Variants in OR9Q1 observed in about 807,000 individuals in gnomAD.
OR9Q1 encodes the protein olfactory receptor 9Q1.
For missense variants in OR9Q1, 374 were observed against 378.8 expected (o/e 0.99, Z 0.11); for synonymous variants, 153 against 148.6 (o/e 1.03, Z -0.22).
At chr11:58,175,946 C>A (rs998501022) in intron 2 of OR9Q1, among the ~76,000 whole-genome samples, 5 of 152,024 alleles carry the variant, frequency 3.3e-5, no homozygotes, top group African/African-American at 1.2e-4. Context: ...ACAAACTTGC[C>A]AATTTCTCCT....
intron 1 of OR9Q1, among the ~76,000 whole-genome samples, chr11:58,032,560 C>A (rs555914937): frequency 3.7e-4 from 56 of 152,206 alleles, no homozygotes; most frequent in African/African-American, 1.3e-3. Flanking sequence ...AACTGGCTAG[C>A]CATATGCAGA....
intron 2 of OR9Q1, among the ~76,000 whole-genome samples, chr11:58,133,662 T>G (rs1462818811): frequency 6.6e-6 from 1 of 152,118 alleles, no homozygotes; most frequent in African/African-American, 2.4e-5. Flanking sequence ...CATGGAAAAG[T>G]GGGGAGGCTA....
At chr11:58,062,771 G>A (rs566852639) in intron 2 of OR9Q1, among the ~76,000 whole-genome samples, 1 of 152,236 alleles carries the variant, frequency 6.6e-6, no homozygotes, top group South Asian at 2.1e-4. Context: ...GACTTTTCAT[G>A]TAAACAAAAA....
At chr11:58,070,732 A>C (rs61904043) in intron 2 of OR9Q1, among the ~76,000 whole-genome samples, 26,233 of 152,138 alleles carry the variant, frequency 0.17, 2,392 homozygotes, top group Non-Finnish European at 0.21. Context: ...CAGTGTCTTC[A>C]CTATCAAGCT....
In OR9Q1 at chr11:58,031,069, C is replaced by A. The variant is rs373892437; in HGVS notation, c.-93+6965C>A. On this transcript the variant is annotated intron_variant, in intron 1 of 2. Transcript: ENST00000335397. ...TACTCTTCCTCACCATGTACCTGTT[C>A]ACCTTGGTGGAGAATTTGGCCATCA... 955 of 1,613,756 alleles carry A rather than the reference C, an allele frequency of 5.9e-4. No homozygotes were observed. The highest frequency in any genetic ancestry group is 7.9e-4 in the Non-Finnish European group (930 of 1,179,728).
At chr11:58,060,820 T>C (rs1853373939) in intron 2 of OR9Q1, among the ~76,000 whole-genome samples, 1 of 151,674 alleles carries the variant, frequency 6.6e-6, no homozygotes, top group Admixed American at 6.6e-5. Flanking sequence ...TAGAGGAGGA[T>C]AAGAACAAAA....
rs118184575 is a variant in OR9Q1 at position 58,165,112 on chromosome 11, A to G, written c.-14-14319A>G. Among the ~76,000 whole-genome samples, 389 of 152,338 alleles carry G rather than the reference A, an allele frequency of 2.6e-3. 2 individuals carry two copies. Among genetic ancestry groups the G allele is most frequent in the Middle Eastern group, 0.01 (3 of 294 alleles). ...TTGTGTTATTTTCTGTCACTCCACA[A>G]GAATGCAAGCTCATAGGAGCAGGGT... On this transcript the variant is annotated intron_variant, in intron 2 of 2. Transcript: ENST00000335397.
At chr11:58,123,020 T>G (rs1347734440) in intron 2 of OR9Q1, among the ~76,000 whole-genome samples, 1 of 152,128 alleles carries the variant, frequency 6.6e-6, no homozygotes, top group East Asian at 1.9e-4. Flanking sequence ...ATATTTTACT[T>G]ATCAATTCTA....
intron 2 of OR9Q1, among the ~76,000 whole-genome samples, chr11:58,127,544 A>G (rs1854101563): frequency 6.6e-6 from 1 of 152,096 alleles, no homozygotes; most frequent in Non-Finnish European, 1.5e-5. Flanking sequence ...CACACCAACC[A>G]TCCATTGACT....
chr11:58,135,866 C>T (rs1590609261), intron 2 of OR9Q1, among the ~76,000 whole-genome samples: 1 of 152,178 alleles, frequency 6.6e-6, no homozygotes, highest in East Asian at 1.9e-4. Flanking sequence ...GATCTCTGAG[C>T]ACTTACTGAA....
chr11:58,027,650 G>C (rs1852988583), intron 1 of OR9Q1, among the ~76,000 whole-genome samples: 2 of 152,102 alleles, frequency 1.3e-5, no homozygotes, highest in Admixed American at 1.3e-4. Flanking sequence ...TTGGCTCTAT[G>C]ATGGGGAAAG....
chr11:58,156,949 T>A (rs1216599179), intron 2 of OR9Q1, among the ~76,000 whole-genome samples: 1 of 152,120 alleles, frequency 6.6e-6, no homozygotes, highest in South Asian at 2.1e-4. Context: ...AAGTTTGAAC[T>A]TTTTTATAAG....
At chr11:58,132,525 G>T (rs1256272349) in intron 2 of OR9Q1, among the ~76,000 whole-genome samples, 1 of 152,204 alleles carries the variant, frequency 6.6e-6, no homozygotes, top group African/African-American at 2.4e-5. Flanking sequence ...GCCAGACATT[G>T]CTCTGGGTAC....
intron 1 of OR9Q1, chr11:58,041,801 G>A (rs546135367): frequency 6.6e-6 from 1 of 152,206 alleles, no homozygotes; most frequent in Non-Finnish European, 1.5e-5. Flanking sequence ...GTGCATTTCA[G>A]TCTCAATTGG....
intron 2 of OR9Q1, among the ~76,000 whole-genome samples, chr11:58,094,338 C>G (rs895832764): frequency 6.6e-6 from 1 of 152,112 alleles, no homozygotes; most frequent in East Asian, 1.9e-4. Flanking sequence ...TTACTTAGTA[C>G]AAATTATTCA....
intron 1 of OR9Q1, 70 bp from the exon 2 acceptor site, chr11:58,055,800 T>TTAAAAAAAAAAAA (rs773747411): frequency 1.8e-5 from 2 of 112,862 alleles, no homozygotes. Flanking sequence ...ACTCTATCTC[T>TTAAAAAAAAAAAA]AAAAAAAAAA....
At chr11:58,108,735 T>A in intron 2 of OR9Q1, 1 of 220,564 alleles carries the variant, frequency 4.5e-6, no homozygotes, top group Admixed American at 5.3e-5. Flanking sequence ...TCGTTGGAAA[T>A]TGGAATTTAC....
intron 2 of OR9Q1, among the ~76,000 whole-genome samples, chr11:58,130,137 T>G (rs951810074): frequency 6.6e-6 from 1 of 152,156 alleles, no homozygotes; most frequent in Non-Finnish European, 1.5e-5. Context: ...TGGTTTACAC[T>G]AGGCACTCAA....
At chr11:58,042,997 A>C (rs530801085) in intron 1 of OR9Q1, among the ~76,000 whole-genome samples, 1 of 152,126 alleles carries the variant, frequency 6.6e-6, no homozygotes. Flanking sequence ...CATTGATTTT[A>C]TATCCTGAGA....
Sources: allele counts gnomAD v4.1 joint callset (sites outside exome capture counted in the v4.1 genomes callset), GRCh38; gene constraint gnomAD v4.1.1; transcripts MANE v1.5; gene names NCBI Gene and HGNC (gene_info 2026-07-23, HGNC 2026-07-21).